CNIH3: variants seen among roughly 807,000 people sequenced by gnomAD.
The protein encoded by CNIH3 is protein cornichon homolog 3.
In CNIH3, 14 loss-of-function variants were observed where a neutral mutation model predicts 24.1. That is an observed-to-expected ratio of 0.58 (90% confidence interval 0.38 to 0.91). The LOEUF (loss-of-function observed/expected upper bound fraction) is 0.91, where lower values mean the gene tolerates loss of function less well. Among genes scored for constraint, CNIH3 ranks in the 40% least tolerant of loss-of-function variants. The pLI, the probability that CNIH3 is intolerant of heterozygous loss-of-function variation, is 0.00. For synonymous variants in CNIH3, 68 were observed against 73.8 expected, an observed-to-expected ratio of 0.92 and a Z score of 0.40; for missense variants, 178 against 196.8, an observed-to-expected ratio of 0.90 and a Z score of 0.57.
At chr1:224,468,474 C>A (rs1379207400) in intron 1 of CNIH3, among the ~76,000 whole-genome samples, 1 of 152,156 alleles carries the variant, frequency 6.6e-6, no homozygotes, top group African/African-American at 2.4e-5. Flanking sequence ...TTGGTTTCTA[C>A]ATGTTTGTTG....
intron 3 of CNIH3, among the ~76,000 whole-genome samples, chr1:224,696,156 C>T (rs935405316): frequency 6.6e-6 from 1 of 152,152 alleles, no homozygotes; most frequent in Non-Finnish European, 1.5e-5. Flanking sequence ...GACCCAGGCT[C>T]CTCCCATCTT....
intron 3 of CNIH3, among the ~76,000 whole-genome samples, chr1:224,599,078 T>G (rs1397692164): frequency 3.3e-5 from 5 of 152,246 alleles, no homozygotes; most frequent in African/African-American, 1.2e-4. Context: ...CATTATTATT[T>G]TATTGGCTAC....
intron 1 of CNIH3, among the ~76,000 whole-genome samples, chr1:224,481,242 C>T (rs758621456): frequency 7.5e-4 from 114 of 152,334 alleles, no homozygotes; most frequent in Non-Finnish European, 1.2e-3. Flanking sequence ...TTACCTTCCA[C>T]CAGGTCCCTC....
downstream of CNIH3, among the ~76,000 whole-genome samples, chr1:224,589,971 G>T (rs1317779456): frequency 6.6e-6 from 1 of 152,100 alleles, no homozygotes; most frequent in Non-Finnish European, 1.5e-5. Context: ...CTGCCTCTGG[G>T]GTTCAAGTAA....
chr1:224,719,747 A>G (rs7553376), intron 3 of CNIH3, among the ~76,000 whole-genome samples: 40,767 of 152,168 alleles, frequency 0.27, 5,624 homozygotes, highest in East Asian at 0.35. Context: ...AGTCCAAGCT[A>G]CAGCCCAAGT....
At chr1:224,571,847 C>T (rs1680832332) in intron 4 of CNIH3, among the ~76,000 whole-genome samples, 1 of 152,140 alleles carries the variant, frequency 6.6e-6, no homozygotes, top group Non-Finnish European at 1.5e-5. Flanking sequence ...GACCTGAGGG[C>T]CAAAGCCTTT....
At chr1:224,526,896 C>A (rs1164460752) in intron 2 of CNIH3, among the ~76,000 whole-genome samples, 1 of 151,996 alleles carries the variant, frequency 6.6e-6, no homozygotes, top group Non-Finnish European at 1.5e-5. Context: ...AAGAGAGAAG[C>A]GGAGAGGGGG....
At chr1:224,720,349 C>T (rs2060557) in intron 3 of CNIH3, among the ~76,000 whole-genome samples, 33,692 of 150,748 alleles carry the variant, frequency 0.22, 4,059 homozygotes, top group East Asian at 0.44. Context: ...AGGAGCATAG[C>T]GGTGCATGAG....
intron 5 of CNIH3, among the ~76,000 whole-genome samples, chr1:224,587,760 G>A (rs1386155493): frequency 2.0e-5 from 3 of 151,728 alleles, no homozygotes; most frequent in East Asian, 3.9e-4. Flanking sequence ...GTAACATAGG[G>A]AGACCCCATC....
intron 4 of CNIH3, among the ~76,000 whole-genome samples, chr1:224,580,357 G>A (rs1499290): frequency 0.42 from 64,128 of 151,996 alleles, 14,235 homozygotes; most frequent in East Asian, 0.59. Context: ...CTCCACCAAT[G>A]TAGAGGTTTA....
chr1:224,552,322 C>A (rs1245582443), intron 3 of CNIH3, among the ~76,000 whole-genome samples: 2 of 151,204 alleles, frequency 1.3e-5, no homozygotes, highest in Non-Finnish European at 3.0e-5. Context: ...GAAATATATC[C>A]TCTCCCTTAT....
At chr1:224,509,458 G>A (rs1450426920) in intron 1 of CNIH3, among the ~76,000 whole-genome samples, 3 of 152,098 alleles carry the variant, frequency 2.0e-5, no homozygotes, top group Non-Finnish European at 4.4e-5. Context: ...CTTTCCTCCA[G>A]CTCACACATA....
intron 1 of CNIH3, among the ~76,000 whole-genome samples, chr1:224,637,003 G>A (rs1684118820): frequency 6.7e-6 from 1 of 149,526 alleles, no homozygotes; most frequent in African/African-American, 2.5e-5. Flanking sequence ...CTGGGCTGGA[G>A]TGCAGTGGCG....
chr1:224,533,491 G>T (rs1425590973), intron 2 of CNIH3, among the ~76,000 whole-genome samples: 1 of 151,980 alleles, frequency 6.6e-6, no homozygotes, highest in East Asian at 1.9e-4. Context: ...ACCACAAATT[G>T]GGTGGCTTAA....
intron 1 of CNIH3, among the ~76,000 whole-genome samples, chr1:224,633,472 G>C (rs554777277): frequency 6.2e-4 from 94 of 152,234 alleles, no homozygotes; most frequent in African/African-American, 2.3e-3. Context: ...AAGATTCTTA[G>C]AAATCAGTTC....
At chr1:224,732,434 C>A (rs1446127452) in intron 4 of CNIH3, among the ~76,000 whole-genome samples, 1 of 152,168 alleles carries the variant, frequency 6.6e-6, no homozygotes, top group Non-Finnish European at 1.5e-5. Flanking sequence ...AGAGAGAAGT[C>A]AAATAGAAGA....
At chr1:224,653,756 A>C (rs531092796) in intron 1 of CNIH3, among the ~76,000 whole-genome samples, 1 of 152,304 alleles carries the variant, frequency 6.6e-6, no homozygotes. Flanking sequence ...TGAACAAAGG[A>C]AGGCAGCTGG....
chr1:224,623,878 G>A (rs1683398387), intron 1 of CNIH3, among the ~76,000 whole-genome samples: 1 of 152,068 alleles, frequency 6.6e-6, no homozygotes, highest in African/African-American at 2.4e-5. Flanking sequence ...AGGCTGTGGT[G>A]CCTCTGAGCT....
chr1:224,579,753 CT>C (rs996136583), intron 4 of CNIH3, among the ~76,000 whole-genome samples: 39 of 152,282 alleles, frequency 2.6e-4, no homozygotes, highest in African/African-American at 7.2e-4. Context: ...GAGCCTGGAA[CT>C]TTCCCCCCCT....
Sources: allele counts gnomAD v4.1 joint callset (sites outside exome capture counted in the v4.1 genomes callset), GRCh38; gene constraint gnomAD v4.1.1; transcripts MANE v1.5; gene names NCBI Gene and HGNC (gene_info 2026-07-23, HGNC 2026-07-21).